PKNOX2: variants seen among roughly 807,000 people sequenced by gnomAD.
PKNOX2 encodes the protein PBX/knotted 1 homeobox 2, also known as homeobox protein PKNOX2.
PKNOX2 carries 14 observed loss-of-function variants against 53.1 expected under a neutral mutation model. The ratio of observed to expected loss-of-function variants is 0.26; its 90% confidence interval spans 0.17 to 0.41. The LOEUF (loss-of-function observed/expected upper bound fraction) is 0.41, where lower values mean the gene tolerates loss of function less well. Ranked by LOEUF, PKNOX2 falls within the 10% of genes least tolerant of loss-of-function variation. The pLI, the probability that PKNOX2 is intolerant of heterozygous loss-of-function variation, is 1.00. For missense variants in PKNOX2, 496 were observed against 602.8 expected, an observed-to-expected ratio of 0.82 and a Z score of 1.85; for synonymous variants, 257 against 242.8, an observed-to-expected ratio of 1.06 and a Z score of -0.54.
intron 1 of PKNOX2, among the ~76,000 whole-genome samples, chr11:125,178,716 A>AG (rs879396100): frequency 0.034 from 4,401 of 129,170 alleles, 169 homozygotes; most frequent in Middle Eastern, 0.045. Context: ...GAAAGAAAGA[A>AG]AGAGAAAGGA....
chr11:125,189,480 T>C (rs1391771992), intron 1 of PKNOX2, among the ~76,000 whole-genome samples: 3 of 120,898 alleles, frequency 2.5e-5, no homozygotes, highest in African/African-American at 6.7e-5. Context: ...TATATATATA[T>C]ATATATATAT....
At chr11:125,363,149 A>G (rs1195253999) in intron 4 of PKNOX2, among the ~76,000 whole-genome samples, 2 of 152,292 alleles carry the variant, frequency 1.3e-5, no homozygotes, top group African/African-American at 4.8e-5. Context: ...AAGAGAGGAC[A>G]TGGGAAGCGC....
intron 5 of PKNOX2, among the ~76,000 whole-genome samples, chr11:125,371,773 T>A (rs906863306): frequency 6.6e-6 from 1 of 151,940 alleles, no homozygotes; most frequent in Non-Finnish European, 1.5e-5. Context: ...CCATTACTGA[T>A]AAGGAAAAGC....
At chr11:125,310,273 G>A (rs1354614086) in intron 2 of PKNOX2, among the ~76,000 whole-genome samples, 1 of 151,988 alleles carries the variant, frequency 6.6e-6, no homozygotes, top group East Asian at 1.9e-4. Flanking sequence ...GAGGCGGGTG[G>A]ATCACAAGGT....
intron 10 of PKNOX2, among the ~76,000 whole-genome samples, chr11:125,416,302 CAAAAAAAAAAAAA>C (rs61354494): frequency 1.4e-5 from 1 of 70,458 alleles, no homozygotes; most frequent in Non-Finnish European, 2.5e-5. Flanking sequence ...GACGCCGTCT[CAAAAAAAAAAAAA>C]AAAAAAAAAA....
At chr11:125,357,759 T>C (rs1239755761) in intron 4 of PKNOX2, among the ~76,000 whole-genome samples, 1 of 152,172 alleles carries the variant, frequency 6.6e-6, no homozygotes, top group Non-Finnish European at 1.5e-5. Flanking sequence ...AAGAGGAGGA[T>C]GGAATGACTC....
chr11:125,244,398 C>T (rs998952060), intron 2 of PKNOX2, among the ~76,000 whole-genome samples: 1 of 152,154 alleles, frequency 6.6e-6, no homozygotes, highest in South Asian at 2.1e-4. Flanking sequence ...GCAGACGCTG[C>T]CTCCCCTTAT....
intron 1 of PKNOX2, among the ~76,000 whole-genome samples, chr11:125,196,473 A>C (rs1937702569): frequency 6.6e-6 from 1 of 152,080 alleles, no homozygotes. Flanking sequence ...CCATCATGGG[A>C]GCTCCCAACA....
At chr11:125,198,155 A>G (rs1044150119) in intron 1 of PKNOX2, among the ~76,000 whole-genome samples, 2 of 152,092 alleles carry the variant, frequency 1.3e-5, no homozygotes, top group African/African-American at 4.8e-5. Context: ...TCTCACATCT[A>G]CTGACCAGAA....
intron 5 of PKNOX2, among the ~76,000 whole-genome samples, chr11:125,380,332 G>A (rs1591549467): frequency 6.6e-6 from 1 of 152,102 alleles, no homozygotes; most frequent in African/African-American, 2.4e-5. Flanking sequence ...AGGCTCAAAC[G>A]CTCACTGAAT....
In PKNOX2 at chr11:125,429,032, T is replaced by C. The variant is rs2135696892; in HGVS notation, c.957T>C (p.Asp319=). 5 of 1,613,760 alleles carry C rather than the reference T, an allele frequency of 3.1e-6. No individual in the cohort carries two copies. The highest frequency in any genetic ancestry group is 4.2e-6 in the Non-Finnish European group (5 of 1,179,704). ...TTCAGCACCCCTACCCCACGGAGGA[T>C]GAGAAGAGGCAGATCGCAGCCCAGA... The part of the protein sequence containing the change: ...QHLMHPYPTE[D]EKRQIAAQTN... Residue 319 remains aspartate, a synonymous_variant, in exon 11 of 13, where the codon GAT becomes GAC. Coordinates refer to ENST00000298282, the MANE Select transcript of PKNOX2 (RefSeq NM_001382323.2).
intron 1 of PKNOX2, among the ~76,000 whole-genome samples, chr11:125,189,447 G>GTATATATATATATATATA (rs58968290): frequency 4.3e-5 from 1 of 23,462 alleles, no homozygotes; most frequent in East Asian, 1.1e-3. Flanking sequence ...GTGTGTGTGT[G>GTATATATATATATATATA]TATATATATA....
chr11:125,314,861 G>A (rs1949060150), intron 2 of PKNOX2, among the ~76,000 whole-genome samples: 1 of 152,162 alleles, frequency 6.6e-6, no homozygotes, highest in African/African-American at 2.4e-5. Flanking sequence ...GCCTCCTTAA[G>A]GGAAAAGGAG....
intron 2 of PKNOX2, among the ~76,000 whole-genome samples, chr11:125,267,406 C>G (rs1192214368): frequency 6.6e-6 from 1 of 152,232 alleles, no homozygotes; most frequent in Non-Finnish European, 1.5e-5. Context: ...TGAGCTCATT[C>G]AGGTGTTCCC....
At chr11:125,218,248 G>A (rs950558828) in intron 1 of PKNOX2, among the ~76,000 whole-genome samples, 1 of 152,106 alleles carries the variant, frequency 6.6e-6, no homozygotes, top group East Asian at 1.9e-4. Flanking sequence ...TGGCCCCCGA[G>A]CTAAGTACTG....
intron 3 of PKNOX2, among the ~76,000 whole-genome samples, chr11:125,349,289 GCTGA>G (rs1283843328): frequency 1.3e-5 from 2 of 150,934 alleles, no homozygotes; most frequent in African/African-American, 2.4e-5. Flanking sequence ...TCTCTGGGAT[GCTGA>G]CCACCACCCA....
At chr11:125,196,307 C>T (rs922043523) in intron 1 of PKNOX2, among the ~76,000 whole-genome samples, 6 of 152,050 alleles carry the variant, frequency 3.9e-5, no homozygotes, top group Non-Finnish European at 7.4e-5. Context: ...CTGACTGTGT[C>T]GGGGCTGGGC....
intron 4 of PKNOX2, among the ~76,000 whole-genome samples, chr11:125,365,542 C>CA (rs1952144963): frequency 6.6e-6 from 1 of 152,178 alleles, no homozygotes; most frequent in Admixed American, 6.5e-5. Context: ...AGCCCCTTGC[C>CA]AAAATCTGTA....
At chr11:125,397,561 G>T (rs1308547242) in intron 6 of PKNOX2, among the ~76,000 whole-genome samples, 1 of 152,216 alleles carries the variant, frequency 6.6e-6, no homozygotes, top group Non-Finnish European at 1.5e-5. Flanking sequence ...CAGGCCGGGG[G>T]CTTGGACCTG....
Sources: gnomAD v4.1 joint callset for allele counts (sites outside exome capture counted in the v4.1 genomes callset) on GRCh38, gnomAD v4.1.1 for gene constraint, MANE v1.5 for transcripts, NCBI Gene and HGNC (gene_info 2026-07-23, HGNC 2026-07-21) for gene names.